Variants in SEC16A observed in about 807,000 individuals in gnomAD.
SEC16A encodes the protein SEC16 homolog A, endoplasmic reticulum export factor.
SEC16A carries 110 observed loss-of-function variants against 221.9 expected under a neutral mutation model. That is an observed-to-expected ratio of 0.50 (90% CI 0.42 to 0.58). SEC16A has a LOEUF of 0.58. Ranked by LOEUF, SEC16A falls within the 20% of genes least tolerant of loss-of-function variation. The pLI is 0.00. For synonymous variants in SEC16A, 1,393 were observed against 1,257.7 expected, an observed-to-expected ratio of 1.11 and a Z score of -2.28; for missense variants, 3,165 against 3,097.8, an observed-to-expected ratio of 1.02 and a Z score of -0.52.
intron 13 of SEC16A, 125 bp downstream of exon 13, chr9:136,461,052 G>T: frequency 1.4e-6 from 1 of 731,464 alleles, no homozygotes; most frequent in Non-Finnish European, 2.4e-6. Context: ...GGAAGCCCGA[G>T]TTCGTGTGGG....
At chr9:136,463,938 CTTTAT>C (rs886389443) in intron 9 of SEC16A, among the ~76,000 whole-genome samples, 198 bp from the exon 10 acceptor site, 14 of 152,240 alleles carry the variant, frequency 9.2e-5, no homozygotes, top group East Asian at 1.9e-4. Context: ...TGATTTCAAA[CTTTAT>C]TTTAAGTAGT....
chr9:136,451,091 C>A (rs1171116376), intron 23 of SEC16A, among the ~76,000 whole-genome samples, 165 bp downstream of exon 23: 1 of 152,166 alleles, frequency 6.6e-6, no homozygotes, highest in Admixed American at 6.5e-5. Flanking sequence ...TCTGAAGGCA[C>A]AAATACACAG....
chr9:136,475,090 GGGCTGAGCCAGATTATAGCTGTGATCA>G lies in SEC16A; in HGVS notation c.2499_2525del (p.Asp834_Pro842del). The G allele has an allele frequency of 6.2e-6, 10 of 1,613,708 alleles. No homozygotes were observed. The highest frequency in any genetic ancestry group is 8.5e-6 in the Non-Finnish European group (10 of 1,179,844). On this transcript the variant is annotated inframe_deletion, in exon 3 of 32. Coordinates refer to ENST00000684901, the MANE Select transcript of SEC16A (RefSeq NM_014866.2). The surrounding 1 kb of genome is among the most constrained non-coding windows in gnomAD (Gnocchi z 5.0). Reference sequence around the variant, plus strand: ...TCGATAAGGACACAGAAAAGTTAATGGGCTGAGCCAGATTATAGCTGTGATCAGGCTGAGCAATCAAGACTGGAGGAT... The same window carrying G: ...TCGATAAGGACACAGAAAAGTTAATGGGCTGAGCAATCAAGACTGGAGGAT...
intron 18 of SEC16A, among the ~76,000 whole-genome samples, chr9:136,456,890 G>A (rs968715771): frequency 1.3e-5 from 2 of 152,134 alleles, no homozygotes; most frequent in African/African-American, 4.8e-5. Flanking sequence ...TATCCTGGCC[G>A]GGCGTGGTGG....
chr9:136,474,637 G>C lies in SEC16A; in HGVS notation c.2979C>G (p.Ala993=), dbSNP rs1012927494. Residue 993 remains alanine (A), a synonymous_variant, in exon 3 of 32, where the codon GCC becomes GCG. Coordinates refer to ENST00000684901, the MANE Select transcript of SEC16A (RefSeq NM_014866.2). ...AAGTCCTGCTTAAGGTAAAGTCTAG[G>C]GCTCCGTAAGTGTCTTCCTGATGAC... ...HSSHQEDTYG[A]LDFTLSRTLE... The C allele has an allele frequency of 1.9e-6, 3 of 1,613,260 alleles. No individual in the cohort carries two copies. The highest frequency in any genetic ancestry group is 2.5e-6 in the Non-Finnish European group (3 of 1,179,854).
At chr9:136,468,608 A>G (rs1326000569) in intron 4 of SEC16A, 96 bp from the exon 5 acceptor site, 2 of 740,598 alleles carry the variant, frequency 2.7e-6, no homozygotes, top group African/African-American at 3.5e-5. Flanking sequence ...ATGGGCATTC[A>G]TCAAAGCACT....
At chr9:136,480,534 C>G (rs894494879) in intron 1 of SEC16A, among the ~76,000 whole-genome samples, 25 of 152,176 alleles carry the variant, frequency 1.6e-4, no homozygotes, top group African/African-American at 5.8e-4. Context: ...CCTAAAAAAC[C>G]CGGGTTTAAT....
At chr9:136,449,626 A>G (rs373027327) in intron 23 of SEC16A, among the ~76,000 whole-genome samples, 42 of 152,120 alleles carry the variant, frequency 2.8e-4, no homozygotes, top group African/African-American at 1.0e-3. Flanking sequence ...GTGAGCCGCC[A>G]TGCCCGGCCT....
Position 136,447,999 on chromosome 9 carries a change from A to G in SEC16A, c.6390+85T>C, listed in dbSNP as rs910810762. The G allele has an allele frequency of 3.3e-6, 5 of 1,520,422 alleles. No individual in the cohort carries two copies. Among genetic ancestry groups the G allele is most frequent in the Admixed American group, 3.8e-5 (2 of 53,132 alleles). The allele number at this position is 1,520,422 out of a possible 1,614,324, so 94.2% of individuals were successfully genotyped here. On this transcript the variant is annotated intron_variant, in intron 24 of 31. Transcript: ENST00000684901. The surrounding 1 kb of genome is among the most constrained non-coding windows in gnomAD (Gnocchi z 5.5). ...AATGATGACACTTCAAAACTTCAGG[A>G]AACACCTACTCAGGTCTGCTCTGAA... is the stretch of plus-strand genomic sequence containing the variant.
chr9:136,442,329 G>A (rs1398303854), intron 31 of SEC16A, among the ~76,000 whole-genome samples: 2 of 152,282 alleles, frequency 1.3e-5, no homozygotes, highest in Non-Finnish European at 2.9e-5. Context: ...TAGTCTGGAT[G>A]CTGAAAAGCA....
chr9:136,446,888 G>T lies in SEC16A; in HGVS notation c.6759C>A (p.Gly2253=). The T allele has an allele frequency of 1.9e-6, 3 of 1,612,910 alleles. No individual in the cohort carries two copies. Among genetic ancestry groups the T allele is most frequent in the African/African-American group, 2.7e-5 (2 of 74,988 alleles). ...TGREGPAAAR[G]LANPEPAPEP... is the part of the protein sequence containing the mutation. ...CTGGGGCAGGCTCTGGATTGGCCAG[G>T]CCCCTAGCTGCTGCAGGCCCTTCCC... The change falls in exon 28 of 32, where the codon GGC becomes GGA. Residue 2253 remains glycine (G), a synonymous_variant. Coordinates refer to ENST00000684901, the MANE Select transcript of SEC16A (RefSeq NM_014866.2).
At chr9:136,444,326 T>A (rs1385480220) in intron 30 of SEC16A, among the ~76,000 whole-genome samples, 1 of 151,802 alleles carries the variant, frequency 6.6e-6, no homozygotes, top group South Asian at 2.2e-4. Context: ...AGATGAAGCG[T>A]TCGTTCACCT....
upstream of SEC16A, chr9:136,484,020 C>T (rs745405055): frequency 7.3e-4 from 121 of 166,686 alleles, no homozygotes; most frequent in Non-Finnish European, 1.3e-3. Context: ...AGGGGCGGCC[C>T]GGCCACCGCG....
chr9:136,484,063 A>C (rs535791576), upstream of SEC16A: 889 of 157,720 alleles, frequency 5.6e-3, 7 homozygotes, highest in African/African-American at 0.02. Context: ...CGCAAGGGGG[A>C]CGCGCGGGCT....
chr9:136,463,197 C>A (rs1839735815), intron 11 of SEC16A, 65 bp from the exon 12 acceptor site: 1 of 1,580,598 alleles, frequency 6.3e-7, no homozygotes. Context: ...GTTGGACCAC[C>A]ACAGGCACAA....
intron 8 of SEC16A, among the ~76,000 whole-genome samples, chr9:136,464,777 G>A (rs970409097): frequency 1.3e-5 from 2 of 152,192 alleles, no homozygotes; most frequent in Non-Finnish European, 2.9e-5. Flanking sequence ...AAGCATGAAA[G>A]CTGTTCCCTT....
At chr9:136,456,238 G>T in intron 18 of SEC16A, 72 bp from the exon 19 acceptor site, 2 of 1,099,932 alleles carry the variant, frequency 1.8e-6, no homozygotes, top group South Asian at 1.3e-5. Flanking sequence ...TCAAAATGCC[G>T]GGCAATGCAG....
rs566867942 is a variant in SEC16A at position 136,461,667 on chromosome 9, A to G, written c.4894-393T>C. 4.5e-4 allele frequency among the ~76,000 whole-genome samples: 68 copies of G among 152,346 alleles called. No homozygotes were observed. In the Middle Eastern group the frequency reaches 0.01, roughly 23 times the overall value. ...TGTCAACACGGAGAGTGACTCCAGT[A>G]AGGCAGCCTCCCCTTTCACCAAAAT... is the stretch of plus-strand genomic sequence containing the variant. On this transcript the variant is annotated intron_variant, in intron 12 of 31. Coordinates refer to ENST00000684901, the MANE Select transcript of SEC16A (RefSeq NM_014866.2).
rs566111509 is a variant in SEC16A, at chr9:136,478,375, C to A, written c.-70+334G>T. Among the ~76,000 whole-genome samples the A allele has an allele frequency of 9.2e-4, 133 of 145,200 alleles. 1 individual carries two copies. Among genetic ancestry groups the A allele is most frequent in the African/African-American group, 3.2e-3 (125 of 39,460 alleles). ...CTATGACAGCACCACTACCCTTCAGCCTGGGTGACACAGTGAGTCCCTAGC... is the reference window on the plus strand; with the variant it reads ...CTATGACAGCACCACTACCCTTCAGACTGGGTGACACAGTGAGTCCCTAGC... On this transcript the variant is annotated intron_variant, in intron 2 of 31. Coordinates refer to ENST00000684901, the MANE Select transcript of SEC16A (RefSeq NM_014866.2).
Sources: gnomAD v4.1 joint callset for allele counts (sites outside exome capture counted in the v4.1 genomes callset) on GRCh38, gnomAD v4.1.1 for gene constraint, Gnocchi (gnomAD v3.1) non-coding constraint, MANE v1.5 for transcripts, NCBI Gene and HGNC (gene_info 2026-07-23, HGNC 2026-07-21) for gene names.